The following FRMD4B variants were observed in gnomAD, a reference collection of about 807,000 sequenced individuals.
FRMD4B encodes FERM domain containing 4B, also known as FERM domain-containing protein 4B.
Under a neutral mutation model 141.5 loss-of-function variants are expected in FRMD4B, and 74 were observed. The ratio of observed to expected loss-of-function variants is 0.52; its 90% CI spans 0.43 to 0.63. FRMD4B has a LOEUF of 0.63. FRMD4B is among the 30% of genes least tolerant of loss of function. FRMD4B has a pLI of 0.00. For missense variants in FRMD4B, 1,366 were observed against 1,253.4 expected, an observed-to-expected ratio of 1.09 and a Z score of -1.36; for synonymous variants, 506 against 467.9, an observed-to-expected ratio of 1.08 and a Z score of -1.05.
intron 1 of FRMD4B, chr3:69,320,983 G>C (rs1701977603): frequency 6.6e-6 from 1 of 152,248 alleles, no homozygotes; most frequent in African/African-American, 2.4e-5. Context: ...TTGTCCATCT[G>C]GTCAGTGGTT....
chr3:69,271,876 GA>G (rs533181437), intron 5 of FRMD4B, among the ~76,000 whole-genome samples: 104 of 152,276 alleles, frequency 6.8e-4, no homozygotes, highest in Middle Eastern at 3.4e-3. Flanking sequence ...TCGGGAGGCT[GA>G]GGCAGGAGAA....
intron 11 of FRMD4B, among the ~76,000 whole-genome samples, chr3:69,205,487 GC>G (rs2093015868): frequency 1.3e-5 from 2 of 152,098 alleles, no homozygotes. Flanking sequence ...GGGATTATAG[GC>G]ATGAGCCACC....
At chr3:69,522,831 G>A (rs771287090) in intron 1 of FRMD4B, among the ~76,000 whole-genome samples, 8 of 152,144 alleles carry the variant, frequency 5.3e-5, no homozygotes, top group Non-Finnish European at 1.2e-4. Flanking sequence ...TACAGACTTT[G>A]ACCCTGGATC....
chr3:69,250,209 A>G (rs2093453720), intron 5 of FRMD4B, 110 bp from the exon 6 acceptor site: 4 of 799,694 alleles, frequency 5.0e-6, no homozygotes, highest in Non-Finnish European at 9.0e-6. Context: ...GTTTACGATC[A>G]AATGCAGATC....
At chr3:69,260,334 G>C (rs184894114) in intron 5 of FRMD4B, among the ~76,000 whole-genome samples, 6 of 152,220 alleles carry the variant, frequency 3.9e-5, no homozygotes, top group Non-Finnish European at 8.8e-5. Flanking sequence ...CACGAGTTCC[G>C]GGTGGGCGTG....
chr3:69,439,041 G>A (rs755354468), intron 1 of FRMD4B, among the ~76,000 whole-genome samples: 1 of 116,440 alleles, frequency 8.6e-6, no homozygotes, highest in African/African-American at 3.7e-5. Flanking sequence ...TAGATATTTA[G>A]TTCGTGTGCG....
intron 1 of FRMD4B, among the ~76,000 whole-genome samples, chr3:69,352,192 T>C (rs1703172924): frequency 6.6e-6 from 1 of 152,182 alleles, no homozygotes; most frequent in African/African-American, 2.4e-5. Flanking sequence ...GGATGTTCTA[T>C]GGCCTGAATC....
At chr3:69,243,139 C>T (rs1015021040) in intron 7 of FRMD4B, among the ~76,000 whole-genome samples, 5 of 152,056 alleles carry the variant, frequency 3.3e-5, no homozygotes, top group East Asian at 1.9e-4. Context: ...GTTATCTTTG[C>T]GGTTTAAGGG....
At chr3:69,185,300 C>CA (rs1237352393) in intron 19 of FRMD4B, among the ~76,000 whole-genome samples, 7,052 of 66,932 alleles carry the variant, frequency 0.11, 319 homozygotes, top group Non-Finnish European at 0.16. Context: ...GACTCCGTCT[C>CA]AAAAAAAAAA....
At chr3:69,491,715 C>G (rs1245623901) in intron 1 of FRMD4B, among the ~76,000 whole-genome samples, 1 of 152,194 alleles carries the variant, frequency 6.6e-6, no homozygotes, top group Non-Finnish European at 1.5e-5. Flanking sequence ...CACAATTTAC[C>G]TGTTACACCA....
intron 1 of FRMD4B, among the ~76,000 whole-genome samples, chr3:69,522,534 A>G (rs1405876605): frequency 1.3e-5 from 2 of 152,152 alleles, no homozygotes; most frequent in Non-Finnish European, 2.9e-5. Context: ...CCACCCAGGA[A>G]GCAAAGAAGT....
intron 5 of FRMD4B, among the ~76,000 whole-genome samples, chr3:69,253,895 C>T (rs1281768121): frequency 1.3e-5 from 2 of 152,026 alleles, no homozygotes; most frequent in East Asian, 3.9e-4. Flanking sequence ...TGAGATCACG[C>T]ACCATAGCGA....
intron 2 of FRMD4B, among the ~76,000 whole-genome samples, chr3:69,409,555 AG>A (rs1217835385): frequency 6.6e-6 from 1 of 152,208 alleles, no homozygotes; most frequent in Non-Finnish European, 1.5e-5. Context: ...CTTCTAGCTG[AG>A]AAAAATCTCG....
At chr3:69,293,088 C>G (rs1209498536) in intron 4 of FRMD4B, 1 of 446,164 alleles carries the variant, frequency 2.2e-6, no homozygotes, top group Non-Finnish European at 4.5e-6. Context: ...GGCTTAACCA[C>G]TCATTAGTGA....
At chr3:69,296,918 C>T (rs917209549) in intron 4 of FRMD4B, among the ~76,000 whole-genome samples, 5 of 152,176 alleles carry the variant, frequency 3.3e-5, no homozygotes, top group Non-Finnish European at 7.3e-5. Flanking sequence ...TACAATCATT[C>T]TACCTAGAGA....
At chr3:69,335,612 G>A (rs886791999) in intron 1 of FRMD4B, among the ~76,000 whole-genome samples, 13 of 151,656 alleles carry the variant, frequency 8.6e-5, no homozygotes, top group Non-Finnish European at 1.8e-4. Context: ...CGCTGCAGCC[G>A]GCCCCATAAT....
At chr3:69,307,287 T>G (rs1219252519) in intron 3 of FRMD4B, among the ~76,000 whole-genome samples, 1 of 152,084 alleles carries the variant, frequency 6.6e-6, no homozygotes, top group African/African-American at 2.4e-5. Flanking sequence ...GAGAAAGAAA[T>G]CTCAGGGCAG....
intron 1 of FRMD4B, among the ~76,000 whole-genome samples, chr3:69,475,527 G>T (rs1303879985): frequency 1.3e-5 from 2 of 152,086 alleles, no homozygotes; most frequent in African/African-American, 2.4e-5. Flanking sequence ...CCCTACAAAC[G>T]ACATGAACTC....
At chr3:69,390,372 G>GAAAACAA (rs1258599292), upstream of FRMD4B, among the ~76,000 whole-genome samples, 10 of 152,294 alleles carry the variant, frequency 6.6e-5, no homozygotes, top group South Asian at 2.1e-3. Flanking sequence ...CTAGTTCAAT[G>GAAAACAA]GTTCTCAACC....
Sources: allele counts gnomAD v4.1 joint callset (sites outside exome capture counted in the v4.1 genomes callset), GRCh38; gene constraint gnomAD v4.1.1; transcripts MANE v1.5; gene names NCBI Gene and HGNC (gene_info 2026-07-23, HGNC 2026-07-21).